Variants in PTTG1IP observed in about 807,000 individuals in gnomAD.
PTTG1IP encodes the protein pituitary tumor-transforming gene 1 protein-interacting protein.
Under a neutral mutation model 24.4 loss-of-function variants are expected in PTTG1IP, and 16 were observed. That is an observed-to-expected ratio of 0.66 (90% CI 0.44 to 1.00). PTTG1IP has a LOEUF of 1.00. Ranked by LOEUF, PTTG1IP falls within the 50% of genes least tolerant of loss-of-function variation. The pLI is 0.00. For missense variants in PTTG1IP, 241 were observed against 245.8 expected, an observed-to-expected ratio of 0.98 and a Z score of 0.13; for synonymous variants, 89 against 96.8, an observed-to-expected ratio of 0.92 and a Z score of 0.47.
intron 2 of PTTG1IP, among the ~76,000 whole-genome samples, chr21:44,862,219 G>A (rs2083497884): frequency 1.3e-5 from 2 of 152,178 alleles, no homozygotes; most frequent in African/African-American, 4.8e-5. Flanking sequence ...CACAGGAAGG[G>A]GTGAAAGAAC....
chr21:44,851,223 GAA>G lies in PTTG1IP; in HGVS notation c.*356_*357del. 1 of 1,064,996 alleles carries G rather than the reference GAA, an allele frequency of 9.4e-7. No homozygotes were observed. The highest frequency in any genetic ancestry group is 2.6e-5 in the East Asian group (1 of 38,116). The allele number at this position is 1,064,996 out of a possible 1,614,324, so 66.0% of individuals were successfully genotyped here. The stretch of plus-strand genomic sequence containing the variant: ...TGTGAAGCTTGTTAGTGGACAGAGA[GAA>G]ACGCAGGGTTCTGCCCTGGGAGAAT... On this transcript the variant is annotated 3_prime_UTR_variant, in exon 6 of 6. Transcript: ENST00000330938.
chr21:44,871,449 T>C (rs2083585080), intron 1 of PTTG1IP, among the ~76,000 whole-genome samples: 1 of 152,244 alleles, frequency 6.6e-6, no homozygotes, highest in Non-Finnish European at 1.5e-5. Flanking sequence ...CCAAAAGCCC[T>C]ATCCAGGTTT....
At chr21:44,861,500 C>T (rs961787324) in intron 2 of PTTG1IP, among the ~76,000 whole-genome samples, 1 of 152,212 alleles carries the variant, frequency 6.6e-6, no homozygotes, top group East Asian at 1.9e-4. Flanking sequence ...CCAAGGCCCG[C>T]GTCACTCAGG....
intron 4 of PTTG1IP, among the ~76,000 whole-genome samples, chr21:44,855,933 G>A (rs577658140): frequency 1.3e-5 from 2 of 152,308 alleles, no homozygotes; most frequent in Admixed American, 6.5e-5. Flanking sequence ...CCGTGTCACC[G>A]CGCACAGACT....
Position 44,853,913 on chromosome 21 carries a change from C to T in PTTG1IP, c.496+1297G>A, listed in dbSNP as rs139247854. Reference sequence around the variant, plus strand: ...GCCTCACGCCCCCAAGCCGACACTTCGAGACCGGCAGGACTCACGTGGCCT... The same window carrying T: ...GCCTCACGCCCCCAAGCCGACACTTTGAGACCGGCAGGACTCACGTGGCCT... On this transcript the variant is annotated intron_variant, in intron 5 of 5. Coordinates refer to ENST00000330938, the MANE Select transcript of PTTG1IP (RefSeq NM_004339.4). 3.1e-3 allele frequency among the ~76,000 whole-genome samples: 466 copies of T among 152,060 alleles called. 1 individual carries two copies. The highest frequency in any genetic ancestry group is 5.3e-3 in the Non-Finnish European group (359 of 68,020).
intron 5 of PTTG1IP, among the ~76,000 whole-genome samples, chr21:44,852,381 C>T (rs2083417954): frequency 6.6e-6 from 1 of 152,114 alleles, no homozygotes; most frequent in South Asian, 2.1e-4. Context: ...GGGGTTTCAC[C>T]ATGTTGGTCA....
In PTTG1IP at chr21:44,851,185, T is replaced by A. The variant is rs1312074260; in HGVS notation, c.*396A>T. The A allele has an allele frequency of 3.9e-6, 3 of 765,070 alleles. No homozygotes were observed. The highest frequency in any genetic ancestry group is 6.0e-6 in the Non-Finnish European group (3 of 496,984). The allele number at this position is 765,070 out of a possible 1,614,324, so 47.4% of individuals were successfully genotyped here. A position where few individuals can be genotyped will look rare whatever the true frequency, so the allele number is the denominator to read the frequency against. On this transcript the variant is annotated 3_prime_UTR_variant, in exon 6 of 6. Coordinates refer to ENST00000330938, the MANE Select transcript of PTTG1IP (RefSeq NM_004339.4). ...CCTCATGACAAAAGTCAAACCGACT[T>A]CCCTGTGTTGCGTGTGAAGCTTGTT...
At position 44,850,997 on chromosome 21, in the gene PTTG1IP, A is replaced by G. The variant is rs1194327183; in HGVS notation, c.*584T>C. 1.1e-5 allele frequency: 2 copies of G among 178,650 alleles called. No individual in the cohort carries two copies. Among genetic ancestry groups the G allele is most frequent in the Non-Finnish European group, 2.3e-5 (2 of 85,908 alleles). The allele number at this position is 178,650 out of a possible 1,614,324, so 11.1% of individuals were successfully genotyped here. A position where few individuals can be genotyped will look rare whatever the true frequency, so the allele number is the denominator to read the frequency against. Reference sequence around the variant, plus strand: ...AAAGGTTTAGCTATTCCCCAATGCTATTTAATACAATTGAGGTTAGGACGT... The same window carrying G: ...AAAGGTTTAGCTATTCCCCAATGCTGTTTAATACAATTGAGGTTAGGACGT... On this transcript the variant is annotated 3_prime_UTR_variant, in exon 6 of 6. Transcript: ENST00000330938.
chr21:44,871,044 C>T (rs1180286060), intron 1 of PTTG1IP, among the ~76,000 whole-genome samples: 1 of 152,358 alleles, frequency 6.6e-6, no homozygotes, highest in East Asian at 1.9e-4. Context: ...GGTGCCCACT[C>T]TGCACTGTGA....
rs1242599582 is a variant in PTTG1IP at position 44,849,965 on chromosome 21, C to A, written c.*1616G>T. 1 of 152,212 alleles carries A rather than the reference C, an allele frequency of 6.6e-6. No homozygotes were observed. The highest frequency in any genetic ancestry group is 2.4e-5 in the African/African-American group (1 of 41,446). 9.4% of individuals were successfully genotyped at this position (152,212 alleles called of 1,614,324 possible). ...TAGGAATCTCTGCAATACTTTACTA[C>A]AAATACAAATGCCCAAGAGGTCAGG... On this transcript the variant is annotated 3_prime_UTR_variant, in exon 6 of 6. Transcript: ENST00000330938.
At chr21:44,872,929 C>A (rs1181669322) in intron 1 of PTTG1IP, 1 of 152,348 alleles carries the variant, frequency 6.6e-6, no homozygotes, top group Non-Finnish European at 1.5e-5. Flanking sequence ...TTGGGGACGC[C>A]TTCCTTTCTA....
At chr21:44,868,552 A>C (rs1174863356) in intron 1 of PTTG1IP, among the ~76,000 whole-genome samples, 1 of 152,192 alleles carries the variant, frequency 6.6e-6, no homozygotes, top group African/African-American at 2.4e-5. Context: ...ACATGAACGA[A>C]TGGCAAGAGG....
At chr21:44,851,717 A>G in intron 5 of PTTG1IP, 90 bp from the exon 6 acceptor site, 2 of 1,453,480 alleles carry the variant, frequency 1.4e-6, no homozygotes, top group East Asian at 2.3e-5. Context: ...TTATAAGAAG[A>G]TTTACTGAGG....
rs1378786150 is a variant in PTTG1IP, at chr21:44,856,243, C to T, written c.399G>A (p.Glu133=). ...CCTCCCGCTCACGCATGGCCTTCTC[C>T]TCACTCCTGTCCGGCTTCCGGCTCC... ...RKRSRKPDRS[E]EKAMREREER... The change falls in exon 4 of 6, where the codon GAG becomes GAA. Residue 133 remains glutamate, a synonymous_variant. Coordinates refer to ENST00000330938, the MANE Select transcript of PTTG1IP (RefSeq NM_004339.4). 1 of 1,614,184 alleles carries T rather than the reference C, an allele frequency of 6.2e-7. No individual in the cohort carries two copies. The highest frequency in any genetic ancestry group is 1.1e-5 in the South Asian group (1 of 91,086).
rs1179312404 is a variant in PTTG1IP, at chr21:44,866,457, TCCC to T, written c.116-1013_116-1011del. On this transcript the variant is annotated intron_variant, in intron 1 of 5. Coordinates refer to ENST00000330938, the MANE Select transcript of PTTG1IP (RefSeq NM_004339.4). ...ACACACACACACACAGAGTGCCTAC[TCCC>T]CCAATCCCATAACACACACACACAC... 3.6e-4 allele frequency among the ~76,000 whole-genome samples: 10 copies of T among 27,584 alleles called. 1 individual carries two copies. Among genetic ancestry groups the T allele is most frequent in the Non-Finnish European group, 5.1e-4 (8 of 15,590 alleles). The allele number at this position is 27,584 out of a possible 152,430, so 18.1% of individuals were successfully genotyped here. A position where few individuals can be genotyped will look rare whatever the true frequency, so the allele number is the denominator to read the frequency against.
chr21:44,855,691 C>T (rs2083444149), intron 4 of PTTG1IP, among the ~76,000 whole-genome samples: 1 of 152,178 alleles, frequency 6.6e-6, no homozygotes, highest in Non-Finnish European at 1.5e-5. Flanking sequence ...TCGCCCGCCG[C>T]CAACCTGACA....
chr21:44,873,130 C>T (rs533975252), intron 1 of PTTG1IP: 116 of 154,598 alleles, frequency 7.5e-4, no homozygotes, highest in Non-Finnish European at 1.2e-3. Context: ...CTTCCCGGCT[C>T]GGGATCGAAC....
At position 44,860,476 on chromosome 21, in the gene PTTG1IP, C is replaced by G. The variant is rs1569323799; in HGVS notation, c.277+687G>C. Among the ~76,000 whole-genome samples, 6 of 151,944 alleles carry G rather than the reference C, an allele frequency of 3.9e-5. No homozygotes were observed. The East Asian group carries it at 9.7e-4, about 25-fold the overall frequency. On this transcript the variant is annotated intron_variant, in intron 3 of 5. Coordinates refer to ENST00000330938, the MANE Select transcript of PTTG1IP (RefSeq NM_004339.4). ...AAGATACGCACACAAAAAAAGAGGGCTGTCTACGCAAGCAGGGATTCTTAA... is the reference window on the plus strand; with the variant it reads ...AAGATACGCACACAAAAAAAGAGGGGTGTCTACGCAAGCAGGGATTCTTAA...
At chr21:44,853,577 G>A (rs1159060291) in intron 5 of PTTG1IP, among the ~76,000 whole-genome samples, 1 of 151,784 alleles carries the variant, frequency 6.6e-6, no homozygotes, top group Non-Finnish European at 1.5e-5. Context: ...AAAGCACAAT[G>A]CCTCCAGCCA....
Sources: gnomAD v4.1 joint callset for allele counts (sites outside exome capture counted in the v4.1 genomes callset) on GRCh38, gnomAD v4.1.1 for gene constraint, MANE v1.5 for transcripts, NCBI Gene and HGNC (gene_info 2026-07-23, HGNC 2026-07-21) for gene names.